ARHGEF16: variants seen among roughly 807,000 people sequenced by gnomAD.
ARHGEF16 encodes the protein Rho guanine nucleotide exchange factor 16, also known as Rho guanine exchange factor (GEF) 16.
A neutral mutation model predicts 74.1 loss-of-function variants in ARHGEF16; 59 were observed. The observed-to-expected ratio is 0.80, with a 90% CI of 0.65 to 0.99. The LOEUF is 0.99. ARHGEF16 is among the 50% of genes least tolerant of loss of function. The pLI, the probability that ARHGEF16 is intolerant of heterozygous loss-of-function variation, is 0.00. For synonymous variants in ARHGEF16, 415 were observed against 412.6 expected (o/e 1.01, Z -0.07); for missense variants, 948 against 986.6 (o/e 0.96, Z 0.52).
Position 3,467,238 on chromosome 1 carries a change from C to A in ARHGEF16, c.705C>A (p.Leu235=), listed in dbSNP as rs922239077. The change falls in exon 4 of 15, where the codon CTC becomes CTA. Residue 235 remains leucine, a synonymous_variant. Coordinates refer to ENST00000378378, the MANE Select transcript of ARHGEF16 (RefSeq NM_014448.4). The part of the protein sequence containing the change: ...NTSQESDDDI[L]DESSSPEGTQ... ...GCCAGGAGTCTGATGACGACATCCT[C>A]GATGAGTCCTCCAGCCCCGAGGGAA... is the stretch of plus-strand genomic sequence containing the variant. The A allele has an allele frequency of 1.9e-6, 3 of 1,550,558 alleles. No individual in the cohort carries two copies. Among genetic ancestry groups the A allele is most frequent in the Non-Finnish European group, 1.7e-6 (2 of 1,146,886 alleles).
intron 5 of ARHGEF16, among the ~76,000 whole-genome samples, 175 bp downstream of exon 5, chr1:3,469,111 G>A (rs1043338695): frequency 1.3e-5 from 2 of 152,162 alleles, no homozygotes; most frequent in African/African-American, 4.8e-5. Flanking sequence ...TTCCACCTGC[G>A]CCAGGCCCTG....
chr1:3,461,688 G>C (rs1391890621), intron 1 of ARHGEF16, among the ~76,000 whole-genome samples: 1 of 152,220 alleles, frequency 6.6e-6, no homozygotes, highest in East Asian at 1.9e-4. Flanking sequence ...GTGATGTGTA[G>C]CCACAACAGC....
chr1:3,479,711 G>A, intron 13 of ARHGEF16, 101 bp from the exon 14 acceptor site: 2 of 1,498,468 alleles, frequency 1.3e-6, no homozygotes. Context: ...TCGGGGGATG[G>A]GGTGCCCCGG....
At position 3,473,138 on chromosome 1, in the gene ARHGEF16, C is replaced by G. The variant is rs766705783; in HGVS notation, c.1083C>G (p.Asp361Glu). ...KAQVLVEDIS[D>E]ILEEHAEKHF... ...AGGTGCTGGTCGAGGACATCAGTGA[C>G]ATCCTGGAGGAGCACGCTGAGAAGC... Residue 361 changes from aspartate (D) to glutamate (E), a missense_variant, in exon 7 of 15, where the codon GAC becomes GAG. Coordinates refer to ENST00000378378, the MANE Select transcript of ARHGEF16 (RefSeq NM_014448.4). The G allele has an allele frequency of 6.2e-7, 1 of 1,613,484 alleles. No individual in the cohort carries two copies.
intron 8 of ARHGEF16, 76 bp from the exon 9 acceptor site, chr1:3,474,632 G>T: frequency 1.4e-6 from 2 of 1,406,438 alleles, no homozygotes; most frequent in Non-Finnish European, 2.0e-6. Flanking sequence ...CCCCACACGG[G>T]GTCTGGCGTT....
Position 3,478,022 on chromosome 1 carries a change from A to G in ARHGEF16, c.1621A>G (p.Lys541Glu). The change falls in exon 11 of 15, where the codon AAG becomes GAG. Residue 541 changes from lysine to glutamate, a missense_variant. Coordinates refer to ENST00000378378, the MANE Select transcript of ARHGEF16 (RefSeq NM_014448.4). ...FNDVLVVTKKKSEESYMVQDY... is the reference protein window; with the variant it reads ...FNDVLVVTKKESEESYMVQDY... ...CGATGTCCTGGTTGTGACCAAGAAG[A>G]AGAGGTGGCCTTAGGGCAGGAGGGT... is the stretch of plus-strand genomic sequence containing the variant. 6.2e-7 allele frequency: 1 copy of G among 1,612,664 alleles called. No homozygotes were observed. Among genetic ancestry groups the G allele is most frequent in the African/African-American group, 1.3e-5 (1 of 75,050 alleles).
rs757295883 is a variant in ARHGEF16, at chr1:3,473,440, G to C, written c.1223G>C (p.Arg408Pro). ...GAGGCCCTGAGAGAGATTGAGAGGC[G>C]GCCGGCGTGCGGGGGCCTGCCCATG... ...FREALREIER[R>P]PACGGLPMLS... The change falls in exon 8 of 15, where the codon CGG (arginine) becomes CCG (proline). Residue 408 changes from arginine to proline, a missense_variant. Physicochemically the swap from Arg to Pro is moderately radical, Grantham distance 103 (BLOSUM62 -2). Coordinates refer to ENST00000378378, the MANE Select transcript of ARHGEF16 (RefSeq NM_014448.4). 6.2e-7 allele frequency: 1 copy of C among 1,612,464 alleles called. No homozygotes were observed. Among genetic ancestry groups the C allele is most frequent in the South Asian group, 1.1e-5 (1 of 91,052 alleles).
At position 3,454,791 on chromosome 1, in the gene ARHGEF16, T is replaced by TCCCTCCGC. The variant is rs1324667295; in HGVS notation, c.-36_-29dup. Reference sequence around the variant, plus strand: ...GCACCGCCAGCGCGCCGCCCCTCCGTCCCTCCGCCCCGCGGCGCAGGTGAG... The same window carrying TCCCTCCGC: ...GCACCGCCAGCGCGCCGCCCCTCCGTCCCTCCGCCCCTCCGCCCCGCGGCGCAGGTGAG... On this transcript the variant is annotated 5_prime_UTR_variant, in exon 1 of 15. Coordinates refer to ENST00000378378, the MANE Select transcript of ARHGEF16 (RefSeq NM_014448.4). 6.6e-6 allele frequency: 1 copy of TCCCTCCGC among 152,092 alleles called. No individual in the cohort carries two copies. Among genetic ancestry groups the TCCCTCCGC allele is most frequent in the Admixed American group, 6.6e-5 (1 of 15,260 alleles). The allele number at this position is 152,092 out of a possible 1,614,324, so 9.4% of individuals were successfully genotyped here. A position where few individuals can be genotyped will look rare whatever the true frequency, so the allele number is the denominator to read the frequency against.
intron 1 of ARHGEF16, among the ~76,000 whole-genome samples, chr1:3,456,400 G>C (rs1180778944): frequency 6.6e-6 from 1 of 152,206 alleles, no homozygotes; most frequent in Non-Finnish European, 1.5e-5. Flanking sequence ...TTTCCAGATG[G>C]ATCTGGGCTG....
chr1:3,463,367 G>T lies in ARHGEF16; in HGVS notation c.283G>T (p.Val95Leu), dbSNP rs1361754286. 19 of 1,550,264 alleles carry T rather than the reference G, an allele frequency of 1.2e-5. No homozygotes were observed. The South Asian group carries it at 2.3e-4, about 18-fold the overall frequency. ...ACAGCTGATCCCTAAGAGCCTGGCT[G>T]TGGCCAGCAAGGCAAAGACCCCAGC... is the stretch of plus-strand genomic sequence containing the variant. ...TQQLIPKSLA[V>L]ASKAKTPARH... is the part of the protein sequence containing the mutation. Residue 95 changes from valine to leucine, a missense_variant, in exon 2 of 15, where the codon GTG becomes TTG. By Grantham distance (32) the Val-to-Leu change is conservative (BLOSUM62 1). Transcript: ENST00000378378.
intron 4 of ARHGEF16, among the ~76,000 whole-genome samples, chr1:3,467,736 T>A (rs980973139): frequency 2.0e-5 from 3 of 152,130 alleles, no homozygotes; most frequent in African/African-American, 4.8e-5. Flanking sequence ...TCCTTCACTT[T>A]CCATATCTGA....
chr1:3,470,410 G>A (rs1026403488), intron 6 of ARHGEF16, among the ~76,000 whole-genome samples: 5 of 151,322 alleles, frequency 3.3e-5, no homozygotes, highest in Non-Finnish European at 7.4e-5. Context: ...GGGCAGCAGT[G>A]TGTGTGCATG....
chr1:3,466,967 C>A, intron 3 of ARHGEF16: 1 of 554,106 alleles, frequency 1.8e-6, no homozygotes, highest in Non-Finnish European at 3.1e-6. Flanking sequence ...TGAGCCGGGA[C>A]CAGCCCATTT....
rs1639804512 is a variant in ARHGEF16 at position 3,473,708 on chromosome 1, C to T, written c.1305+186C>T. ...ATAACTTTGTGGTCGCCGCCACCCA[C>T]AGAGCTCACTGTGCCGGGAACTGTT... On this transcript the variant is annotated intron_variant, in intron 8 of 14. Coordinates refer to ENST00000378378, the MANE Select transcript of ARHGEF16 (RefSeq NM_014448.4). 9 of 969,272 alleles carry T rather than the reference C, an allele frequency of 9.3e-6. No homozygotes were observed. In the South Asian group the frequency reaches 1.2e-4, roughly 12 times the overall value. The allele number at this position is 969,272 out of a possible 1,614,324, so 60.0% of individuals were successfully genotyped here. A position where few individuals can be genotyped will look rare whatever the true frequency, so the allele number is the denominator to read the frequency against.
chr1:3,461,863 A>G (rs1287911101), intron 1 of ARHGEF16, among the ~76,000 whole-genome samples: 1 of 152,162 alleles, frequency 6.6e-6, no homozygotes, highest in East Asian at 1.9e-4. Context: ...GCAGGTCGAG[A>G]GCTGGCTCTC....
intron 5 of ARHGEF16, 148 bp from the exon 6 acceptor site, chr1:3,469,285 C>T: frequency 1.1e-6 from 1 of 951,006 alleles, no homozygotes; most frequent in Non-Finnish European, 1.5e-6. Context: ...GCTGGCCATT[C>T]TGACAGCCCC....
At chr1:3,461,467 A>T (rs984431369) in intron 1 of ARHGEF16, among the ~76,000 whole-genome samples, 4 of 152,166 alleles carry the variant, frequency 2.6e-5, no homozygotes, top group Admixed American at 1.3e-4. Context: ...CATTGACCAC[A>T]TGCCTGGGTC....
chr1:3,480,840 C>T lies in ARHGEF16; in HGVS notation c.*253C>T, dbSNP rs1311191713. On this transcript the variant is annotated 3_prime_UTR_variant, in exon 15 of 15. Coordinates refer to ENST00000378378, the MANE Select transcript of ARHGEF16 (RefSeq NM_014448.4). Reference sequence around the variant, plus strand: ...AGGGAGCCCAGCCTATTCCCGTTGGCTGGCTGGGCCCCTCAGCTGCTGGGC... The same window carrying T: ...AGGGAGCCCAGCCTATTCCCGTTGGTTGGCTGGGCCCCTCAGCTGCTGGGC... The T allele has an allele frequency of 9.4e-6, 4 of 426,408 alleles. No homozygotes were observed. The highest frequency in any genetic ancestry group is 3.6e-5 in the East Asian group (1 of 27,614). 26.4% of individuals were successfully genotyped at this position (426,408 alleles called of 1,614,324 possible).
chr1:3,467,685 G>A (rs1044855203), intron 4 of ARHGEF16, among the ~76,000 whole-genome samples: 1 of 152,198 alleles, frequency 6.6e-6, no homozygotes, highest in African/African-American at 2.4e-5. Flanking sequence ...AGCTGGGATG[G>A]GAGGGGCCGG....
Sources: allele counts gnomAD v4.1 joint callset (sites outside exome capture counted in the v4.1 genomes callset), GRCh38; gene constraint gnomAD v4.1.1; transcripts MANE v1.5; gene names NCBI Gene and HGNC (gene_info 2026-07-23, HGNC 2026-07-21).